The following RSRC1 variants were observed in gnomAD, a reference collection of about 807,000 sequenced individuals.
The protein encoded by RSRC1 is serine/Arginine-related protein 53.
In RSRC1, 39 loss-of-function variants were observed where a neutral mutation model predicts 49.1. The ratio of observed to expected loss-of-function variants is 0.79; its 90% CI spans 0.61 to 1.04. The LOEUF (loss-of-function observed/expected upper bound fraction) is 1.04. Ranked by LOEUF, RSRC1 falls within the 50% of genes least tolerant of loss-of-function variation. The pLI is 0.00. For missense variants in RSRC1, 388 were observed against 402.4 expected (o/e 0.96, Z 0.31); for synonymous variants, 143 against 130.8 (o/e 1.09, Z -0.63).
At chr3:158,512,522 A>G (rs1287722772) in intron 7 of RSRC1, among the ~76,000 whole-genome samples, 5 of 152,112 alleles carry the variant, frequency 3.3e-5, no homozygotes, top group Admixed American at 2.6e-4. Context: ...CTGTAGCCTT[A>G]TAGTATAGTT....
At chr3:158,173,092 G>C (rs1292340985) in intron 3 of RSRC1, among the ~76,000 whole-genome samples, 1 of 151,904 alleles carries the variant, frequency 6.6e-6, no homozygotes, top group East Asian at 1.9e-4. Context: ...ATTTATATCT[G>C]TGATTATTTA....
chr3:158,269,101 CTT>C (rs1725361609), intron 4 of RSRC1, among the ~76,000 whole-genome samples: 1 of 152,084 alleles, frequency 6.6e-6, no homozygotes, highest in East Asian at 1.9e-4. Flanking sequence ...GGTTGAGAAT[CTT>C]TTTATAGAAT....
chr3:158,399,398 C>T lies in RSRC1; in HGVS notation c.583+44490C>T, dbSNP rs201761327. Among the ~76,000 whole-genome samples the T allele has an allele frequency of 1.4e-4, 5 of 36,026 alleles. 1 individual carries two copies. The highest frequency in any genetic ancestry group is 3.0e-4 in the Non-Finnish European group (5 of 16,946). The allele number at this position is 36,026 out of a possible 152,430, so 23.6% of individuals were successfully genotyped here. On this transcript the variant is annotated intron_variant, in intron 6 of 9. Transcript: ENST00000611884. ...GTCTCGATCTCCTGACCTCGTGATC[C>T]GCCCGCCTCGGCCTCCCAAAGTGCT...
chr3:158,443,920 G>A (rs1736527675), intron 6 of RSRC1, among the ~76,000 whole-genome samples: 1 of 152,114 alleles, frequency 6.6e-6, no homozygotes, highest in African/African-American at 2.4e-5. Flanking sequence ...GAGGTACAGG[G>A]AGAGGGCAAG....
chr3:158,364,104 G>C (rs1381555625), intron 6 of RSRC1, among the ~76,000 whole-genome samples: 1 of 152,130 alleles, frequency 6.6e-6, no homozygotes, highest in African/African-American at 2.4e-5. Flanking sequence ...TCTCTTCATA[G>C]CCATGTGATC....
At chr3:158,521,066 C>G (rs1711643866) in intron 7 of RSRC1, among the ~76,000 whole-genome samples, 1 of 152,128 alleles carries the variant, frequency 6.6e-6, no homozygotes, top group Non-Finnish European at 1.5e-5. Flanking sequence ...AATTTTGAGA[C>G]ATAACAGAAT....
At chr3:158,516,631 G>T (rs551742341) in intron 7 of RSRC1, among the ~76,000 whole-genome samples, 2 of 152,172 alleles carry the variant, frequency 1.3e-5, no homozygotes, top group Admixed American at 6.5e-5. Context: ...CACCCGGTTG[G>T]AGCTTCCCGG....
chr3:158,494,142 C>G (rs951195078), intron 7 of RSRC1, among the ~76,000 whole-genome samples: 37 of 152,116 alleles, frequency 2.4e-4, no homozygotes, highest in Admixed American at 6.6e-4. Context: ...ATTTTGCAAA[C>G]ATTGTAGAGT....
chr3:158,249,602 G>A (rs574905237), intron 4 of RSRC1, among the ~76,000 whole-genome samples: 11 of 152,124 alleles, frequency 7.2e-5, no homozygotes, highest in South Asian at 2.1e-4. Context: ...TTGTATGGAC[G>A]TATTCTTTCA....
At chr3:158,477,995 A>G (rs1228615073) in intron 7 of RSRC1, among the ~76,000 whole-genome samples, 1 of 151,058 alleles carries the variant, frequency 6.6e-6, no homozygotes, top group Non-Finnish European at 1.5e-5. Context: ...TAATTCTTCA[A>G]AATAATAGAG....
At chr3:158,233,677 A>G (rs536895517) in intron 4 of RSRC1, among the ~76,000 whole-genome samples, 12 of 152,200 alleles carry the variant, frequency 7.9e-5, no homozygotes, top group African/African-American at 2.6e-4. Flanking sequence ...ATGAAGAGAA[A>G]CATAATGAAA....
At chr3:158,468,988 T>A (rs759143512) in intron 7 of RSRC1, among the ~76,000 whole-genome samples, 2 of 152,148 alleles carry the variant, frequency 1.3e-5, no homozygotes, top group Non-Finnish European at 2.9e-5. Flanking sequence ...TATTACAACT[T>A]TCTTTTTTAT....
intron 7 of RSRC1, among the ~76,000 whole-genome samples, chr3:158,473,035 G>A (rs1275063290): frequency 6.6e-6 from 1 of 152,148 alleles, no homozygotes; most frequent in Non-Finnish European, 1.5e-5. Flanking sequence ...AGAGGATGTG[G>A]AGAAATGGGA....
intron 6 of RSRC1, among the ~76,000 whole-genome samples, chr3:158,395,517 G>A (rs566383014): frequency 1.3e-5 from 2 of 152,138 alleles, no homozygotes; most frequent in East Asian, 3.9e-4. Flanking sequence ...GTGGGAGAAG[G>A]ACATGAACAG....
chr3:158,272,187 C>T (rs1725556710), intron 4 of RSRC1, among the ~76,000 whole-genome samples: 1 of 151,990 alleles, frequency 6.6e-6, no homozygotes, highest in Non-Finnish European at 1.5e-5. Flanking sequence ...TGGATTTTTT[C>T]CCTGCACAAC....
chr3:158,423,476 G>T (rs1735201909), intron 6 of RSRC1, among the ~76,000 whole-genome samples: 1 of 152,116 alleles, frequency 6.6e-6, no homozygotes, highest in Non-Finnish European at 1.5e-5. Flanking sequence ...TTTGGTTACT[G>T]TAGCCTTGTA....
chr3:158,414,567 T>G (rs1261990922), intron 6 of RSRC1, among the ~76,000 whole-genome samples: 4 of 151,938 alleles, frequency 2.6e-5, no homozygotes, highest in Non-Finnish European at 5.9e-5. Flanking sequence ...AAATTATTAT[T>G]TTTTTAAAGC....
At chr3:158,412,044 A>G (rs1166079340) in intron 6 of RSRC1, among the ~76,000 whole-genome samples, 1 of 152,168 alleles carries the variant, frequency 6.6e-6, no homozygotes, top group African/African-American at 2.4e-5. Flanking sequence ...TTTATCCTAA[A>G]GATAGTTAAA....
At chr3:158,464,396 T>C (rs1737772881) in intron 7 of RSRC1, among the ~76,000 whole-genome samples, 1 of 152,194 alleles carries the variant, frequency 6.6e-6, no homozygotes, top group African/African-American at 2.4e-5. Flanking sequence ...GAATTCTTTT[T>C]CCCCTTGTGT....
Sources: allele counts gnomAD v4.1 joint callset (sites outside exome capture counted in the v4.1 genomes callset), GRCh38; gene constraint gnomAD v4.1.1; transcripts MANE v1.5; gene names NCBI Gene and HGNC (gene_info 2026-07-23, HGNC 2026-07-21).